The following ROBO2 variants were observed in gnomAD, a reference collection of about 807,000 sequenced individuals.
The protein encoded by ROBO2 is roundabout guidance receptor 2.
A neutral mutation model predicts 160.8 loss-of-function variants in ROBO2; 53 were observed. The ratio of observed to expected loss-of-function variants is 0.33; its 90% CI spans 0.26 to 0.41. ROBO2 has a LOEUF of 0.41. Among genes scored for constraint, ROBO2 ranks in the 10% least tolerant of loss-of-function variants. The pLI is 1.00. For synonymous variants in ROBO2, 664 were observed against 611.7 expected (o/e 1.09, Z -1.26); for missense variants, 1,577 against 1,722.4 (o/e 0.92, Z 1.49).
At chr3:76,492,177 A>G (rs141810726) in intron 2 of ROBO2, among the ~76,000 whole-genome samples, 7 of 152,238 alleles carry the variant, frequency 4.6e-5, no homozygotes, top group Non-Finnish European at 8.8e-5. Flanking sequence ...TATTATTAGC[A>G]CATTTAAAAT....
chr3:77,035,928 G>A (rs1432568035), upstream of ROBO2, among the ~76,000 whole-genome samples: 3 of 151,958 alleles, frequency 2.0e-5, no homozygotes, highest in Non-Finnish European at 4.4e-5. Context: ...AGAAAAATTC[G>A]AGCTGAGCAA....
At chr3:77,029,065 A>G (rs774336688) in intron 2 of ROBO2, among the ~76,000 whole-genome samples, 12 of 152,092 alleles carry the variant, frequency 7.9e-5, no homozygotes, top group Non-Finnish European at 1.8e-4. Flanking sequence ...GATACATTTC[A>G]ATCTTTATTA....
intron 2 of ROBO2, among the ~76,000 whole-genome samples, chr3:77,365,523 C>A (rs1469076679): frequency 6.6e-6 from 1 of 152,102 alleles, no homozygotes; most frequent in Non-Finnish European, 1.5e-5. Flanking sequence ...CGATAGTATA[C>A]CCTTGTCTAA....
intron 2 of ROBO2, among the ~76,000 whole-genome samples, chr3:76,236,815 A>G (rs1462893067): frequency 6.6e-6 from 1 of 152,168 alleles, no homozygotes; most frequent in African/African-American, 2.4e-5. Context: ...AAGAAGAAAT[A>G]TCAAATTACT....
At chr3:77,515,404 G>A (rs1002527714) in intron 5 of ROBO2, among the ~76,000 whole-genome samples, 4 of 151,624 alleles carry the variant, frequency 2.6e-5, no homozygotes, top group Non-Finnish European at 5.9e-5. Flanking sequence ...ATTCAAATCT[G>A]TATGTTAAAA....
At chr3:75,951,167 T>A (rs1169142941) in intron 2 of ROBO2, among the ~76,000 whole-genome samples, 1 of 152,008 alleles carries the variant, frequency 6.6e-6, no homozygotes, top group South Asian at 2.1e-4. Context: ...TATGCGTGTA[T>A]CAAAACATCA....
chr3:77,114,933 C>T (rs2074051497), intron 2 of ROBO2, among the ~76,000 whole-genome samples: 1 of 152,106 alleles, frequency 6.6e-6, no homozygotes, highest in Non-Finnish European at 1.5e-5. Flanking sequence ...TTTGTCCTCT[C>T]TTTGAACCCA....
intron 2 of ROBO2, among the ~76,000 whole-genome samples, chr3:76,774,278 A>T (rs2062094720): frequency 6.6e-6 from 1 of 150,952 alleles, no homozygotes; most frequent in Non-Finnish European, 1.5e-5. Context: ...TTTGCAAGAT[A>T]TGATTCTCTG....
chr3:77,627,760 G>A lies in ROBO2; in HGVS notation c.3760+5328G>A, dbSNP rs76243186. Among the ~76,000 whole-genome samples the A allele has an allele frequency of 3.9e-3, 596 of 152,252 alleles. 4 individuals are homozygous for A. The highest frequency in any genetic ancestry group is 0.014 in the African/African-American group (568 of 41,528). On this transcript the variant is annotated intron_variant, in intron 23 of 25. Transcript: ENST00000461745. ...TAGGTAGACAAATAACATTTAATAG[G>A]AAAAGTTCATAGATTAAATATTGGT...
intron 2 of ROBO2, among the ~76,000 whole-genome samples, chr3:76,778,362 A>G (rs1433020896): frequency 6.6e-6 from 1 of 151,112 alleles, no homozygotes; most frequent in Non-Finnish European, 1.5e-5. Flanking sequence ...ATGAGCTATG[A>G]GCAAAGGTTA....
chr3:76,407,318 C>A (rs17014094), intron 2 of ROBO2, among the ~76,000 whole-genome samples: 2 of 151,848 alleles, frequency 1.3e-5, no homozygotes, highest in South Asian at 4.1e-4. Context: ...CTAAACTATT[C>A]CTGTTAATTT....
At chr3:77,469,564 A>G (rs1034069895) in intron 2 of ROBO2, among the ~76,000 whole-genome samples, 7 of 152,168 alleles carry the variant, frequency 4.6e-5, no homozygotes, top group Admixed American at 4.6e-4. Context: ...GTCCATTGGA[A>G]TAATTTAATA....
chr3:77,073,470 G>A (rs543635840), intron 1 of ROBO2, among the ~76,000 whole-genome samples: 7 of 152,178 alleles, frequency 4.6e-5, no homozygotes, highest in Non-Finnish European at 1.0e-4. Flanking sequence ...ATTGTGAGAA[G>A]CACATTACAG....
At chr3:76,222,669 C>G (rs1039080648) in intron 2 of ROBO2, among the ~76,000 whole-genome samples, 1 of 152,086 alleles carries the variant, frequency 6.6e-6, no homozygotes, top group Non-Finnish European at 1.5e-5. Context: ...AGAGCCCTCT[C>G]CTACCCGGCT....
chr3:76,061,840 A>G (rs2068079583), intron 2 of ROBO2, among the ~76,000 whole-genome samples: 1 of 152,120 alleles, frequency 6.6e-6, no homozygotes, highest in Non-Finnish European at 1.5e-5. Flanking sequence ...TGGAGGCTCT[A>G]GACGGTCCAT....
chr3:77,130,917 C>T (rs1266000142), intron 2 of ROBO2, among the ~76,000 whole-genome samples: 6 of 152,248 alleles, frequency 3.9e-5, no homozygotes, highest in Admixed American at 1.3e-4. Context: ...GTTAGCATTA[C>T]GTTGTGCAAA....
chr3:76,737,672 G>T (rs556371168), intron 2 of ROBO2, among the ~76,000 whole-genome samples: 1 of 152,130 alleles, frequency 6.6e-6, no homozygotes, highest in Non-Finnish European at 1.5e-5. Context: ...CTTTCAGCAT[G>T]TAGATGGACA....
chr3:76,617,878 G>A (rs1351980943), intron 2 of ROBO2, among the ~76,000 whole-genome samples: 1 of 151,620 alleles, frequency 6.6e-6, no homozygotes, highest in Non-Finnish European at 1.5e-5. Flanking sequence ...CTTAGCAAAG[G>A]AGGAAATGCC....
intron 2 of ROBO2, among the ~76,000 whole-genome samples, chr3:76,043,863 C>T (rs1159007934): frequency 2.6e-5 from 4 of 151,924 alleles, no homozygotes; most frequent in African/African-American, 9.7e-5. Flanking sequence ...TGAAGATTGT[C>T]TTCGGATCAC....
Sources: gnomAD v4.1 joint callset for allele counts (sites outside exome capture counted in the v4.1 genomes callset) on GRCh38, gnomAD v4.1.1 for gene constraint, MANE v1.5 for transcripts, NCBI Gene and HGNC (gene_info 2026-07-23, HGNC 2026-07-21) for gene names.